CFAP45: variants seen among roughly 807,000 people sequenced by gnomAD.
CFAP45 encodes cilia- and flagella-associated protein 45.
CFAP45 carries 43 observed loss-of-function variants against 75.6 expected under a neutral mutation model. The ratio of observed to expected loss-of-function variants is 0.57; its 90% CI spans 0.45 to 0.73. The LOEUF (loss-of-function observed/expected upper bound fraction) is 0.73, where lower values mean the gene tolerates loss of function less well. Among genes scored for constraint, CFAP45 ranks in the 30% least tolerant of loss-of-function variants. CFAP45 has a pLI of 0.00. For synonymous variants in CFAP45, 223 were observed against 244.6 expected (o/e 0.91, Z 0.82); for missense variants, 689 against 701.5 (o/e 0.98, Z 0.20).
At position 159,890,616 on chromosome 1, in the gene CFAP45, C is replaced by A; in HGVS notation, c.136G>T (p.Ala46Ser). 6.2e-7 allele frequency: 1 copy of A among 1,614,058 alleles called. No individual in the cohort carries two copies. The highest frequency in any genetic ancestry group is 1.3e-5 in the African/African-American group (1 of 75,014). The change falls in exon 3 of 12, where the codon GCC becomes TCC. Residue 46 changes from alanine to serine, a missense_variant. Physicochemically the swap from Ala to Ser is moderately conservative, Grantham distance 99. Coordinates refer to ENST00000368099, the MANE Select transcript of CFAP45 (RefSeq NM_012337.3). ...ESLFGDIKSP[A>S]QGQSDSPIVL... ...ATGGGGCTGTCGCTCTGGCCCTGGGCTGGGGACTATGAGTTCAGAAAGAAT... is the reference window on the plus strand; with the variant it reads ...ATGGGGCTGTCGCTCTGGCCCTGGGATGGGGACTATGAGTTCAGAAAGAAT...
At chr1:159,884,734 G>A (rs1379443030) in intron 6 of CFAP45, among the ~76,000 whole-genome samples, 169 bp from the exon 7 acceptor site, 1 of 152,062 alleles carries the variant, frequency 6.6e-6, no homozygotes, top group Non-Finnish European at 1.5e-5. Flanking sequence ...CCCTCCCCCA[G>A]GAAGGACCTC....
intron 1 of CFAP45, chr1:159,899,841 G>A (rs1374908227): frequency 2.1e-6 from 1 of 477,512 alleles, no homozygotes; most frequent in Admixed American, 3.9e-5. Flanking sequence ...AACGGGGAGA[G>A]GGTTGGGGCA....
chr1:159,888,241 C>T (rs1649741064), intron 4 of CFAP45, 111 bp downstream of exon 4: 3 of 1,209,528 alleles, frequency 2.5e-6, no homozygotes, highest in South Asian at 2.9e-5. Flanking sequence ...AATATTTCTT[C>T]ATTAAGTACA....
intron 8 of CFAP45, 83 bp from the exon 9 acceptor site, chr1:159,877,545 C>T: frequency 1.1e-6 from 1 of 913,024 alleles, no homozygotes; most frequent in Non-Finnish European, 1.8e-6. Context: ...ACAGACTTTC[C>T]AATATCTCCC....
intron 1 of CFAP45, among the ~76,000 whole-genome samples, chr1:159,894,587 T>G (rs1480475535): frequency 6.6e-6 from 1 of 152,210 alleles, no homozygotes; most frequent in East Asian, 1.9e-4. Flanking sequence ...TAATACCCAC[T>G]ATTTGGCTGT....
intron 8 of CFAP45, among the ~76,000 whole-genome samples, chr1:159,880,191 C>G (rs1040077201): frequency 1.3e-5 from 2 of 152,140 alleles, no homozygotes; most frequent in Non-Finnish European, 2.9e-5. Flanking sequence ...TTTATGTAAC[C>G]GCTGACTCAT....
intron 8 of CFAP45, among the ~76,000 whole-genome samples, chr1:159,878,929 C>T (rs896919968): frequency 6.6e-6 from 1 of 151,964 alleles, no homozygotes; most frequent in South Asian, 2.1e-4. Context: ...TTTCTACAAC[C>T]AATTTCTGCT....
Position 159,872,997 on chromosome 1 carries a change from C to T in CFAP45, c.1524G>A (p.Gln508=). 1 of 1,614,262 alleles carries T rather than the reference C, an allele frequency of 6.2e-7. No homozygotes were observed. The highest frequency in any genetic ancestry group is 1.1e-5 in the South Asian group (1 of 91,090). Residue 508 remains glutamine, a synonymous_variant, in exon 11 of 12, where the codon CAG becomes CAA. Transcript: ENST00000368099. ...TCTCATCGATGCGCTCACGGCGTTT[C>T]TGGGCCTCCTCTTTGAGGCGCCGGC... ...EEGRRLKEEA[Q]KRRERIDEIK...
chr1:159,884,578 A>G lies in CFAP45; in HGVS notation c.768-13T>C, dbSNP rs980672681. The G allele has an allele frequency of 6.2e-7, 1 of 1,611,438 alleles. No individual in the cohort carries two copies. Among genetic ancestry groups the G allele is most frequent in the African/African-American group, 1.3e-5 (1 of 74,868 alleles). ...TTGCCGCCTTCCTCTTGGAGAGAAC[A>G]GTGCCACAGTGTCTTAGAAACCCCG... On this transcript the variant is annotated splice_polypyrimidine_tract_variant and intron_variant, in intron 6 of 11. Transcript: ENST00000368099.
At chr1:159,891,367 C>T (rs1649825113) in intron 2 of CFAP45, among the ~76,000 whole-genome samples, 1 of 152,048 alleles carries the variant, frequency 6.6e-6, no homozygotes, top group Admixed American at 6.6e-5. Flanking sequence ...ACTTTAACCC[C>T]CACAAAAAGC....
chr1:159,873,083 G>C lies in CFAP45; in HGVS notation c.1438C>G (p.Arg480Gly). The part of the protein sequence containing the change: ...GRLQHANELR[R>G]QVRENQQKEV... ...TTCTGCTGGTTCTCGCGCACCTGGC[G>C]CCGGAGCTCATTGGCATGCTGTAAG... Residue 480 changes from arginine to glycine, a missense_variant, in exon 11 of 12, where the codon CGC becomes GGC. Coordinates refer to ENST00000368099, the MANE Select transcript of CFAP45 (RefSeq NM_012337.3). The C allele has an allele frequency of 6.2e-7, 1 of 1,614,172 alleles. No homozygotes were observed. Among genetic ancestry groups the C allele is most frequent in the Non-Finnish European group, 8.5e-7 (1 of 1,180,024 alleles).
intron 2 of CFAP45, among the ~76,000 whole-genome samples, chr1:159,891,661 G>T (rs573934204): frequency 5.5e-4 from 84 of 152,352 alleles, no homozygotes; most frequent in African/African-American, 1.9e-3. Flanking sequence ...GAGGCAGGGG[G>T]ATGGCCCCAC....
chr1:159,887,850 G>C lies in CFAP45; in HGVS notation c.579C>G (p.Asp193Glu), dbSNP rs756470058. 1.2e-6 allele frequency: 2 copies of C among 1,612,074 alleles called. No homozygotes were observed. The highest frequency in any genetic ancestry group is 2.2e-5 in the South Asian group (2 of 90,966). ...GAGACGAAGAGCCCACCTTGCTCAT[G>C]TCCTTGAGCTCCTCCTCCTGCTCCA... The part of the protein sequence containing the change: ...LRMEQEEELK[D>E]MSKIILNAKC... Residue 193 changes from aspartate (D) to glutamate (E), a missense_variant, in exon 5 of 12, where the codon GAC (aspartate) becomes GAG (glutamate). Physicochemically the swap from Asp to Glu is conservative, Grantham distance 45. Transcript: ENST00000368099.
intron 2 of CFAP45, among the ~76,000 whole-genome samples, chr1:159,892,096 G>A (rs111837775): frequency 0.01 from 1,563 of 149,008 alleles, 29 homozygotes; most frequent in African/African-American, 0.037. Flanking sequence ...AGACCAGCAT[G>A]GGGAACATGA....
In CFAP45 at chr1:159,880,648, C is replaced by A; in HGVS notation, c.950G>T (p.Arg317Leu). 1 of 1,613,900 alleles carries A rather than the reference C, an allele frequency of 6.2e-7. No individual in the cohort carries two copies. Among genetic ancestry groups the A allele is most frequent in the Non-Finnish European group, 8.5e-7 (1 of 1,179,900 alleles). The change falls in exon 8 of 12, where the codon CGC becomes CTC. Residue 317 changes from arginine to leucine, a missense_variant. By Grantham distance (102) the Arg-to-Leu change is moderately radical. Coordinates refer to ENST00000368099, the MANE Select transcript of CFAP45 (RefSeq NM_012337.3). ...QKLKMQAEIK[R>L]INDENQKQKA... ...CTGTTTCTGGTTTTCATCATTGATG[C>A]GCTTAATCTCAGCTTGCATCTTCAG...
At position 159,900,112 on chromosome 1, in the gene CFAP45, C is replaced by A. The variant is rs776465311; in HGVS notation, c.-14G>T. ...CTCCCTCACCATCTCCTCAGCCACACGCCCTGACTCCGGACTTCTGCTGCC... is the reference window on the plus strand; with the variant it reads ...CTCCCTCACCATCTCCTCAGCCACAAGCCCTGACTCCGGACTTCTGCTGCC... On this transcript the variant is annotated 5_prime_UTR_variant, in exon 1 of 12. Transcript: ENST00000368099. 6.2e-7 allele frequency: 1 copy of A among 1,614,178 alleles called. No homozygotes were observed.
rs773041219 is a variant in CFAP45, at chr1:159,888,394, C to T, written c.375G>A (p.Glu125=). The T allele has an allele frequency of 6.2e-7, 1 of 1,614,150 alleles. No homozygotes were observed. Among genetic ancestry groups the T allele is most frequent in the South Asian group, 1.1e-5 (1 of 91,074 alleles). ...CCTTCTTGAAGGCCTGGTCCCTGGCCTCAAGTTCTTCTCTGGTCAGGACAT... is the reference window on the plus strand; with the variant it reads ...CCTTCTTGAAGGCCTGGTCCCTGGCTTCAAGTTCTTCTCTGGTCAGGACAT... ...ASHVLTREEL[E]ARDQAFKKEK... The change falls in exon 4 of 12, where the codon GAG becomes GAA. Residue 125 remains glutamate (E), a synonymous_variant. Coordinates refer to ENST00000368099, the MANE Select transcript of CFAP45 (RefSeq NM_012337.3).
At chr1:159,879,742 C>A (rs986691123) in intron 8 of CFAP45, among the ~76,000 whole-genome samples, 25 of 152,120 alleles carry the variant, frequency 1.6e-4, no homozygotes, top group Admixed American at 1.0e-3. Flanking sequence ...TATACTCACA[C>A]CCTCCCCCTG....
intron 1 of CFAP45, 101 bp downstream of exon 1, chr1:159,899,995 C>T: frequency 7.3e-7 from 1 of 1,369,276 alleles, no homozygotes; most frequent in Non-Finnish European, 1.0e-6. Flanking sequence ...GCCCTCCTGA[C>T]CCCTAGACCC....
Sources: gnomAD v4.1 joint callset for allele counts (sites outside exome capture counted in the v4.1 genomes callset) on GRCh38, gnomAD v4.1.1 for gene constraint, MANE v1.5 for transcripts, NCBI Gene and HGNC (gene_info 2026-07-23, HGNC 2026-07-21) for gene names.